ARMC8: variants seen among roughly 807,000 people sequenced by gnomAD.
The protein encoded by ARMC8 is armadillo repeat-containing protein 8.
ARMC8 carries 20 observed loss-of-function variants against 99.3 expected under a neutral mutation model. The ratio of observed to expected loss-of-function variants is 0.20; its 90% CI spans 0.14 to 0.29. The LOEUF (loss-of-function observed/expected upper bound fraction) is 0.29. Among genes scored for constraint, ARMC8 ranks in the 10% least tolerant of loss-of-function variants. The pLI is 1.00. For missense variants in ARMC8, 569 were observed against 809.5 expected (o/e 0.70, Z 3.60); for synonymous variants, 263 against 278.3 (o/e 0.95, Z 0.55).
chr3:138,196,590 C>T (rs2043747565), intron 1 of ARMC8, among the ~76,000 whole-genome samples: 1 of 152,110 alleles, frequency 6.6e-6, no homozygotes. Flanking sequence ...TAGCAAAAGC[C>T]AGGCACGGTG....
In ARMC8 at chr3:138,272,960, C is replaced by T. The variant is rs961015317; in HGVS notation, c.1480-7C>T. The T allele has an allele frequency of 6.4e-7, 1 of 1,558,614 alleles. No individual in the cohort carries two copies. Among genetic ancestry groups the T allele is most frequent in the African/African-American group, 1.4e-5 (1 of 72,862 alleles). On this transcript the variant is annotated splice_polypyrimidine_tract_variant and splice_region_variant and intron_variant, in intron 16 of 21. Transcript: ENST00000469044. ...CATGATTCTTGCAACTTCTTTAATC[C>T]TTTCAGAATATGGCATTTCAGGCTG...
At chr3:138,222,938 G>A (rs2045481430) in intron 3 of ARMC8, among the ~76,000 whole-genome samples, 1 of 152,180 alleles carries the variant, frequency 6.6e-6, no homozygotes, top group Admixed American at 6.5e-5. Flanking sequence ...TGCTTGAGGA[G>A]CTGCACAAGG....
rs749529780 is a variant in ARMC8 at position 138,273,081 on chromosome 3, T to C, written c.1594T>C (p.Leu532=). The C allele has an allele frequency of 3.2e-5, 52 of 1,612,660 alleles. No homozygotes were observed. Among genetic ancestry groups the C allele is most frequent in the Non-Finnish European group, 4.2e-5 (49 of 1,179,420 alleles). ...AGATTTGAATGTGCTGATGAAGACA[T>C]TGGGACTTCTTAGAAATCTCCTCTC... ...DSDLNVLMKT[L]GLLRNLLSTR... The change falls in exon 17 of 22, where the codon TTG becomes CTG. Residue 532 remains leucine (L), a synonymous_variant. Transcript: ENST00000469044.
chr3:138,210,744 A>T (rs1179732183), intron 2 of ARMC8, among the ~76,000 whole-genome samples: 1 of 152,108 alleles, frequency 6.6e-6, no homozygotes, highest in African/African-American at 2.4e-5. Flanking sequence ...ACTTGTGCTT[A>T]GCCATGGCAA....
At chr3:138,236,123 A>G (rs2046323060) in intron 7 of ARMC8, among the ~76,000 whole-genome samples, 1 of 151,998 alleles carries the variant, frequency 6.6e-6, no homozygotes, top group Non-Finnish European at 1.5e-5. Flanking sequence ...TTAGTCTTTA[A>G]ATTTATTTCA....
rs758698233 is a variant in ARMC8, at chr3:138,215,345, T to C, written c.122+5452T>C. 3.3e-5 allele frequency among the ~76,000 whole-genome samples: 5 copies of C among 152,104 alleles called. 1 individual carries two copies. Among genetic ancestry groups the C allele is most frequent in the Non-Finnish European group, 5.9e-5 (4 of 68,020 alleles). On this transcript the variant is annotated intron_variant, in intron 2 of 21. Transcript: ENST00000469044. ...GATTCTCCTGCCTCAGCCTCCCAAG[T>C]AGCTGGGACTACAGGCACAAGCCAC...
At chr3:138,221,067 T>C (rs981216740) in intron 2 of ARMC8, among the ~76,000 whole-genome samples, 1 of 152,188 alleles carries the variant, frequency 6.6e-6, no homozygotes. Context: ...CATTTCCTTT[T>C]GAACCAACCA....
At chr3:138,221,813 G>C in intron 2 of ARMC8, 113 bp from the exon 3 acceptor site, 2 of 785,038 alleles carry the variant, frequency 2.5e-6, no homozygotes, top group Non-Finnish European at 4.2e-6. Flanking sequence ...GTGAAAAAAG[G>C]TTAGTGCTTT....
intron 1 of ARMC8, among the ~76,000 whole-genome samples, chr3:138,205,060 CTTT>C (rs71146118): frequency 6.4e-5 from 6 of 93,222 alleles, no homozygotes; most frequent in Admixed American, 3.8e-4. Flanking sequence ...CTTTTCTTTT[CTTT>C]TTTTTTTTTT....
At position 138,239,914 on chromosome 3, in the gene ARMC8, A is replaced by G. The variant is rs1246987872; in HGVS notation, c.837+386A>G. Among the ~76,000 whole-genome samples the G allele has an allele frequency of 2.0e-5, 3 of 152,210 alleles. No individual in the cohort carries two copies. The East Asian group carries it at 5.8e-4, about 29-fold the overall frequency. ...CTTTTGCAGAAAAAGACTTTATATCATTCTCATAGCTGATAATCAAAAGGC... is the reference window on the plus strand; with the variant it reads ...CTTTTGCAGAAAAAGACTTTATATCGTTCTCATAGCTGATAATCAAAAGGC... On this transcript the variant is annotated intron_variant, in intron 10 of 21. Transcript: ENST00000469044.
intron 1 of ARMC8, among the ~76,000 whole-genome samples, chr3:138,198,546 C>A (rs2043870600): frequency 6.6e-6 from 1 of 151,580 alleles, no homozygotes; most frequent in African/African-American, 2.4e-5. Context: ...GATTCTCACT[C>A]TTCTCACCCA....
At chr3:138,209,224 C>T (rs562315580) in intron 1 of ARMC8, among the ~76,000 whole-genome samples, 1 of 152,324 alleles carries the variant, frequency 6.6e-6, no homozygotes, top group Admixed American at 6.5e-5. Context: ...AGTGAAGAAA[C>T]TTAGCTTGCT....
At chr3:138,254,835 G>A (rs1273430650) in intron 12 of ARMC8, among the ~76,000 whole-genome samples, 2 of 152,102 alleles carry the variant, frequency 1.3e-5, no homozygotes, top group Non-Finnish European at 2.9e-5. Context: ...TAACATAAAC[G>A]ACTTTCCCAG....
At chr3:138,279,182 A>T (rs374651376) in intron 18 of ARMC8, among the ~76,000 whole-genome samples, 1 of 152,206 alleles carries the variant, frequency 6.6e-6, no homozygotes, top group East Asian at 1.9e-4. Flanking sequence ...AAAGGAAAAG[A>T]AATTATCTTC....
chr3:138,284,256 T>A (rs1049056703), intron 18 of ARMC8, among the ~76,000 whole-genome samples, 175 bp from the exon 19 acceptor site: 1 of 152,090 alleles, frequency 6.6e-6, no homozygotes, highest in Admixed American at 6.5e-5. Flanking sequence ...TAGATTTTGT[T>A]TGGGTGTGGT....
chr3:138,235,274 A>G (rs1433586071), intron 7 of ARMC8, among the ~76,000 whole-genome samples, 160 bp downstream of exon 7: 1 of 143,422 alleles, frequency 7.0e-6, no homozygotes, highest in East Asian at 2.3e-4. Flanking sequence ...ATGCTCTTTA[A>G]AAAAAAAAAA....
intron 6 of ARMC8, 152 bp downstream of exon 6, chr3:138,229,162 A>ATATATATATATG (rs2045877515): frequency 1.3e-5 from 1 of 75,910 alleles, no homozygotes; most frequent in African/African-American, 5.9e-5. Flanking sequence ...ATATATATAT[A>ATATATATATATG]TATATATATA....
In ARMC8 at chr3:138,235,171, C is replaced by T. The variant is rs187365575; in HGVS notation, c.609+57C>T. 6.8e-6 allele frequency: 8 copies of T among 1,178,310 alleles called. No individual in the cohort carries two copies. In the African/African-American group the frequency reaches 9.2e-5, roughly 14 times the overall value. The allele number at this position is 1,178,310 out of a possible 1,614,324, so 73.0% of individuals were successfully genotyped here. On this transcript the variant is annotated intron_variant, in intron 7 of 21. Coordinates refer to ENST00000469044, the MANE Select transcript of ARMC8 (RefSeq NM_001363941.2). Reference sequence around the variant, plus strand: ...ATACCTTGTTTGTGATTTCTAGAAACAGACCCACATATTTTTATTGTTTCT... The same window carrying T: ...ATACCTTGTTTGTGATTTCTAGAAATAGACCCACATATTTTTATTGTTTCT...
intron 12 of ARMC8, among the ~76,000 whole-genome samples, chr3:138,257,553 A>G (rs940098186): frequency 2.0e-5 from 3 of 152,058 alleles, no homozygotes; most frequent in African/African-American, 7.2e-5. Flanking sequence ...TCATTCTAGT[A>G]TCTGCCTTCT....
Sources: allele counts gnomAD v4.1 joint callset (sites outside exome capture counted in the v4.1 genomes callset), GRCh38; gene constraint gnomAD v4.1.1; transcripts MANE v1.5; gene names NCBI Gene and HGNC (gene_info 2026-07-23, HGNC 2026-07-21).